The following ZNF721 variants were observed in gnomAD, a reference collection of about 807,000 sequenced individuals.
ZNF721 encodes the protein zinc finger protein 721.
Under a neutral mutation model 2.4 loss-of-function variants are expected in ZNF721, and 2 were observed. The observed-to-expected ratio is 0.82, with a 90% CI of 0.34 to 2.58. ZNF721 has a LOEUF of 2.58. Among genes scored for constraint, ZNF721 ranks in the 30% most tolerant of loss-of-function variants. The pLI is 0.11. For missense variants in ZNF721, 1,187 were observed against 1,085.5 expected (o/e 1.09, Z -1.31); for synonymous variants, 398 against 381.8 (o/e 1.04, Z -0.50).
At chr4:485,365 A>G (rs1715867115) in intron 1 of ZNF721, among the ~76,000 whole-genome samples, 1 of 152,064 alleles carries the variant, frequency 6.6e-6, no homozygotes, top group Non-Finnish European at 1.5e-5. Flanking sequence ...TTCCTCCACA[A>G]TAATATTCAC....
rs563086296 is a variant in ZNF721, at chr4:485,975, A to AAAAT, written c.-94+13077_-94+13080dup. The stretch of plus-strand genomic sequence containing the variant: ...GGCGACAGAGCGAGACTCCATCTAA[A>AAAAT]AAATAAATAAATAAATAAATAAATA... On this transcript the variant is annotated intron_variant, in intron 1 of 2. Transcript: ENST00000511833. Among the ~76,000 whole-genome samples, 396 of 151,846 alleles carry AAAAT rather than the reference A, an allele frequency of 2.6e-3. 1 individual carries two copies. The highest frequency in any genetic ancestry group is 6.6e-3 in the African/African-American group (273 of 41,358).
At chr4:484,677 C>G (rs1318351304) in intron 1 of ZNF721, among the ~76,000 whole-genome samples, 1 of 152,290 alleles carries the variant, frequency 6.6e-6, no homozygotes, top group African/African-American at 2.4e-5. Context: ...AAATTCCCAC[C>G]TAATAAATTT....
chr4:470,846 A>T (rs1338815552), intron 2 of ZNF721, among the ~76,000 whole-genome samples: 5 of 152,072 alleles, frequency 3.3e-5, no homozygotes, highest in Non-Finnish European at 5.9e-5. Flanking sequence ...TAAAAAATAC[A>T]AAACTTAGCT....
rs534426536 is a variant in ZNF721 at position 480,076 on chromosome 4, C to G, written c.-93-7375G>C. 4.1e-4 allele frequency among the ~76,000 whole-genome samples: 62 copies of G among 152,168 alleles called. 1 individual carries two copies. The highest frequency in any genetic ancestry group is 3.4e-3 in the Middle Eastern group (1 of 294). Reference sequence around the variant, plus strand: ...AGTGATTCAGGATGTCAATTTGGAACTCTACAGAAACACTTTAAGTCAATG... The same window carrying G: ...AGTGATTCAGGATGTCAATTTGGAAGTCTACAGAAACACTTTAAGTCAATG... On this transcript the variant is annotated intron_variant, in intron 1 of 2. Transcript: ENST00000511833.
intron 1 of ZNF721, among the ~76,000 whole-genome samples, chr4:484,907 G>A (rs1715854766): frequency 6.6e-6 from 1 of 151,982 alleles, no homozygotes; most frequent in Admixed American, 6.6e-5. Flanking sequence ...TGAAAATCTC[G>A]AATAAAAACT....
intron 1 of ZNF721, among the ~76,000 whole-genome samples, chr4:476,560 A>G (rs1715626661): frequency 6.6e-6 from 1 of 152,202 alleles, no homozygotes; most frequent in African/African-American, 2.4e-5. Flanking sequence ...CACACCATTT[A>G]ACAATAATTA....
At chr4:493,456 G>T (rs1716075106) in intron 1 of ZNF721, among the ~76,000 whole-genome samples, 1 of 152,162 alleles carries the variant, frequency 6.6e-6, no homozygotes, top group African/African-American at 2.4e-5. Flanking sequence ...AGGCAGGTGG[G>T]TCACCTACGG....
intron 2 of ZNF721, among the ~76,000 whole-genome samples, chr4:457,158 T>C (rs1714873006): frequency 6.6e-6 from 1 of 152,178 alleles, no homozygotes; most frequent in Admixed American, 6.5e-5. Flanking sequence ...TATTACACAA[T>C]GAGTAAATGT....
chr4:483,452 T>C (rs1392190972), intron 1 of ZNF721, among the ~76,000 whole-genome samples: 2 of 151,898 alleles, frequency 1.3e-5, no homozygotes, highest in Non-Finnish European at 2.9e-5. Context: ...CTTGGGAGGC[T>C]GAGGCAGGAG....
chr4:456,811 G>A lies in ZNF721; in HGVS notation c.35-12379C>T, dbSNP rs1199799703. On this transcript the variant is annotated intron_variant, in intron 2 of 2. Transcript: ENST00000511833. ...GAAGAATCACTTGAATCCGGGAGGC[G>A]GAGGTTGCAGTGAGCCGAGACTGTG... Among the ~76,000 whole-genome samples the A allele has an allele frequency of 2.6e-5, 4 of 152,244 alleles. No individual in the cohort carries two copies. In the East Asian group the frequency reaches 5.8e-4, roughly 22 times the overall value.
chr4:479,648 C>G (rs1715725665), intron 1 of ZNF721, among the ~76,000 whole-genome samples: 1 of 152,178 alleles, frequency 6.6e-6, no homozygotes, highest in African/African-American at 2.4e-5. Context: ...ACCAGTGTGC[C>G]AGAGGCTGGG....
At chr4:448,192 AAATTTTACAGATTTCTTTT>A (rs1354376032) in intron 2 of ZNF721, among the ~76,000 whole-genome samples, 4 of 152,172 alleles carry the variant, frequency 2.6e-5, no homozygotes, top group African/African-American at 9.6e-5. Flanking sequence ...TTTAAAATTC[AAATTTTACAGATTTCTTTT>A]AATGACCAAA....
intron 1 of ZNF721, among the ~76,000 whole-genome samples, chr4:488,897 G>T (rs191006053): frequency 4.5e-4 from 68 of 152,214 alleles, no homozygotes; most frequent in Non-Finnish European, 7.9e-4. Flanking sequence ...GCAGTCAGAG[G>T]CTGGTTAGGA....
chr4:453,580 T>A (rs966543548), intron 2 of ZNF721: 1 of 152,208 alleles, frequency 6.6e-6, no homozygotes, highest in Non-Finnish European at 1.5e-5. Context: ...ATAACCTATC[T>A]ACTAATGGTC....
rs1553863570 is a variant in ZNF721, at chr4:443,169, T to C, written c.1298A>G (p.Asn433Ser). The C allele has an allele frequency of 6.2e-7, 1 of 1,613,856 alleles. No homozygotes were observed. Among genetic ancestry groups the C allele is most frequent in the South Asian group, 1.1e-5 (1 of 91,068 alleles). The change falls in exon 3 of 3, where the codon AAT (asparagine) becomes AGT (serine). Residue 433 changes from asparagine to serine, a missense_variant. By Grantham distance (46) the Asn-to-Ser change is conservative. Coordinates refer to ENST00000511833, the MANE Select transcript of ZNF721 (RefSeq NM_133474.4). ...TCCAGTATGAATTTTCTTATATTCA[T>C]TCAGGTTTGTGGACAATCCAAAGGC... is the stretch of plus-strand genomic sequence containing the variant. ...GRAFGLSTNL[N>S]EYKKIHTGDK...
At chr4:477,649 C>T (rs186276860) in intron 1 of ZNF721, among the ~76,000 whole-genome samples, 18 of 151,826 alleles carry the variant, frequency 1.2e-4, no homozygotes, top group Non-Finnish European at 1.2e-4. Flanking sequence ...TAGAGTAAGC[C>T]GATAGTTTAA....
In ZNF721 at chr4:468,045, C is replaced by T. The variant is rs185868198; in HGVS notation, c.34+4530G>A. ...CTGTAATCCCAGCACTTTGGGAGGC[C>T]GAGGCGGGCGGATCACGAGGTCAGG... On this transcript the variant is annotated intron_variant, in intron 2 of 2. Coordinates refer to ENST00000511833, the MANE Select transcript of ZNF721 (RefSeq NM_133474.4). Among the ~76,000 whole-genome samples, 16 of 152,144 alleles carry T rather than the reference C, an allele frequency of 1.1e-4. No individual in the cohort carries two copies. In the East Asian group the frequency reaches 1.7e-3, roughly 17 times the overall value.
chr4:446,825 T>C (rs1714491178), intron 2 of ZNF721, among the ~76,000 whole-genome samples: 1 of 152,070 alleles, frequency 6.6e-6, no homozygotes, highest in South Asian at 2.1e-4. Context: ...CCCAAGTAGC[T>C]GGGACTACAG....
chr4:459,853 G>A (rs1714963749), intron 2 of ZNF721, among the ~76,000 whole-genome samples: 1 of 151,454 alleles, frequency 6.6e-6, no homozygotes, highest in Admixed American at 6.6e-5. Context: ...TGGGGGAGGG[G>A]GCATTACCTA....
Sources: allele counts gnomAD v4.1 joint callset (sites outside exome capture counted in the v4.1 genomes callset), GRCh38; gene constraint gnomAD v4.1.1; transcripts MANE v1.5; gene names NCBI Gene and HGNC (gene_info 2026-07-23, HGNC 2026-07-21).